The following PRKAR1B variants were observed in gnomAD, a reference collection of about 807,000 sequenced individuals.
The protein encoded by PRKAR1B is protein kinase cAMP-dependent type I regulatory subunit beta.
In PRKAR1B, 22 loss-of-function variants were observed where a neutral mutation model predicts 46.5. The observed-to-expected ratio is 0.47, with a 90% confidence interval of 0.34 to 0.68. The LOEUF (loss-of-function observed/expected upper bound fraction) is 0.68, where lower values mean the gene tolerates loss of function less well. Ranked by LOEUF, PRKAR1B falls within the 30% of genes least tolerant of loss-of-function variation. PRKAR1B has a pLI of 0.01. For missense variants in PRKAR1B, 445 were observed against 535.6 expected (o/e 0.83, Z 1.67); for synonymous variants, 259 against 217.7 (o/e 1.19, Z -1.67).
intron 7 of PRKAR1B, among the ~76,000 whole-genome samples, chr7:590,740 A>C (rs2128452898): frequency 6.6e-6 from 1 of 152,324 alleles, no homozygotes; most frequent in Non-Finnish European, 1.5e-5. Flanking sequence ...GCAAAAGCCC[A>C]CAGCCCAGCA....
chr7:558,679 G>C (rs1448711650), intron 9 of PRKAR1B, among the ~76,000 whole-genome samples: 1 of 152,114 alleles, frequency 6.6e-6, no homozygotes, highest in Non-Finnish European at 1.5e-5. Flanking sequence ...AATGAACCGA[G>C]AGGGGGAGGT....
At chr7:554,801 A>G (rs1038683742) in intron 9 of PRKAR1B, among the ~76,000 whole-genome samples, 8 of 151,670 alleles carry the variant, frequency 5.3e-5, no homozygotes, top group African/African-American at 1.9e-4. Flanking sequence ...GCCGGAAGAC[A>G]GGGGAGACCA....
chr7:668,065 A>G (rs1298243393), intron 4 of PRKAR1B, among the ~76,000 whole-genome samples: 1 of 152,166 alleles, frequency 6.6e-6, no homozygotes, highest in Non-Finnish European at 1.5e-5. Flanking sequence ...GATGATGGGG[A>G]TATCTGTCTT....
chr7:717,782 A>G (rs1780931133), intron 1 of PRKAR1B, among the ~76,000 whole-genome samples: 2 of 152,100 alleles, frequency 1.3e-5, no homozygotes, highest in South Asian at 2.1e-4. Context: ...TTCTCTACAC[A>G]TGGCTCCTGG....
chr7:605,031 TCAC>T (rs964506636), intron 6 of PRKAR1B, among the ~76,000 whole-genome samples: 3 of 152,162 alleles, frequency 2.0e-5, no homozygotes, highest in Non-Finnish European at 4.4e-5. Context: ...TGAGATGTCA[TCAC>T]CACGAGCCGC....
intron 2 of PRKAR1B, among the ~76,000 whole-genome samples, chr7:685,501 A>T (rs1201543035): frequency 6.7e-6 from 1 of 149,624 alleles, no homozygotes; most frequent in Non-Finnish European, 1.5e-5. Flanking sequence ...TAAAAGAAAA[A>T]TTTCTCTAAA....
rs564652227 is a variant in PRKAR1B, at chr7:704,715, GC to G, written c.177+6613del. 2.8e-3 allele frequency among the ~76,000 whole-genome samples: 429 copies of G among 152,232 alleles called. 3 individuals are homozygous for G. The highest frequency in any genetic ancestry group is 1.0e-2 in the African/African-American group (415 of 41,518). On this transcript the variant is annotated intron_variant, in intron 2 of 10. Transcript: ENST00000537384. The stretch of plus-strand genomic sequence containing the variant: ...ACCCAGGAGGGGCGGGTTGCAGTGA[GC>G]TAAGATCGCACCACTGCACTCCAGC...
chr7:691,389 C>A (rs560349460), intron 2 of PRKAR1B, among the ~76,000 whole-genome samples: 19 of 152,366 alleles, frequency 1.2e-4, no homozygotes, highest in South Asian at 4.1e-4. Flanking sequence ...CAGTGAGATT[C>A]CAAATCCCCT....
intron 4 of PRKAR1B, among the ~76,000 whole-genome samples, chr7:662,503 T>TC (rs1785657965): frequency 3.0e-5 from 2 of 66,086 alleles, no homozygotes; most frequent in Admixed American, 1.9e-4. Flanking sequence ...ATGCCACAGG[T>TC]CCCCACCCCA....
At chr7:694,571 T>G (rs1195357404) in intron 2 of PRKAR1B, among the ~76,000 whole-genome samples, 1 of 152,038 alleles carries the variant, frequency 6.6e-6, no homozygotes, top group Non-Finnish European at 1.5e-5. Context: ...AAAGCCTGTT[T>G]CAATGCCACC....
At chr7:701,477 T>G (rs941245407) in intron 2 of PRKAR1B, among the ~76,000 whole-genome samples, 1 of 152,104 alleles carries the variant, frequency 6.6e-6, no homozygotes, top group Non-Finnish European at 1.5e-5. Context: ...TTTGAAGACA[T>G]GATGGTTGAA....
chr7:639,331 G>C (rs1174532972), intron 4 of PRKAR1B, among the ~76,000 whole-genome samples: 1 of 152,162 alleles, frequency 6.6e-6, no homozygotes, highest in East Asian at 1.9e-4. Context: ...AAGTCAATGG[G>C]GAAAGAAAGA....
chr7:653,589 A>T (rs1785025047), intron 4 of PRKAR1B, among the ~76,000 whole-genome samples: 1 of 152,164 alleles, frequency 6.6e-6, no homozygotes, highest in Non-Finnish European at 1.5e-5. Flanking sequence ...ATCCAGTCAC[A>T]GTCGTTGATG....
intron 2 of PRKAR1B, chr7:691,815 ACT>A (rs1276807024): frequency 6.7e-5 from 79 of 1,179,834 alleles, no homozygotes; most frequent in Non-Finnish European, 8.1e-5. Flanking sequence ...CATCCCCTGA[ACT>A]CCCTGCCAAG....
chr7:597,772 G>A (rs150972805), intron 6 of PRKAR1B, among the ~76,000 whole-genome samples: 1 of 152,270 alleles, frequency 6.6e-6, no homozygotes, highest in East Asian at 1.9e-4. Context: ...TGCGGGCGAT[G>A]AAGCTGGAGA....
At chr7:573,935 G>A (rs74595460) in intron 9 of PRKAR1B, among the ~76,000 whole-genome samples, 8 of 152,218 alleles carry the variant, frequency 5.3e-5, no homozygotes, top group East Asian at 3.9e-4. Context: ...GCCGGGGTGC[G>A]GTTGGGTCAC....
At position 566,408 on chromosome 7, in the gene PRKAR1B, CCAT is replaced by C. The variant is rs549688889; in HGVS notation, c.891+12845_891+12847del. On this transcript the variant is annotated intron_variant, in intron 9 of 10. Coordinates refer to ENST00000537384, the MANE Select transcript of PRKAR1B (RefSeq NM_001164760.2). The stretch of plus-strand genomic sequence containing the variant: ...ATCACCACCATCACCACCACTTCCA[CCAT>C]CATTATCACCATCACCACCATCACC... Among the ~76,000 whole-genome samples the C allele has an allele frequency of 2.4e-3, 370 of 151,704 alleles. 7 individuals are homozygous for C. The highest frequency in any genetic ancestry group is 3.4e-3 in the Middle Eastern group (1 of 294).
In PRKAR1B at chr7:574,506, G is replaced by A. The variant is rs762747733; in HGVS notation, c.891+4750C>T. Among the ~76,000 whole-genome samples, 63 of 151,794 alleles carry A rather than the reference G, an allele frequency of 4.2e-4. 1 individual carries two copies. Among genetic ancestry groups the A allele is most frequent in the Non-Finnish European group, 3.1e-4 (21 of 67,994 alleles). On this transcript the variant is annotated intron_variant, in intron 9 of 10. Coordinates refer to ENST00000537384, the MANE Select transcript of PRKAR1B (RefSeq NM_001164760.2). ...GTGGCCCAGGCTGGAGTACAATGGC[G>A]TGATCTCAGCTCACTGCAATCTCTG...
intron 4 of PRKAR1B, among the ~76,000 whole-genome samples, chr7:636,983 G>A (rs1784146439): frequency 6.6e-6 from 1 of 152,210 alleles, no homozygotes; most frequent in Admixed American, 6.5e-5. Flanking sequence ...CAAGCTCCAG[G>A]ACCAGTCAGA....
Sources: allele counts gnomAD v4.1 joint callset (sites outside exome capture counted in the v4.1 genomes callset), GRCh38; gene constraint gnomAD v4.1.1; transcripts MANE v1.5; gene names NCBI Gene and HGNC (gene_info 2026-07-23, HGNC 2026-07-21).